The following HTR1D variants were observed in gnomAD, a reference collection of about 807,000 sequenced individuals.
HTR1D encodes 5-hydroxytryptamine receptor 1D, also known as 5-HT-1D.
HTR1D carries 18 observed loss-of-function variants against 21.1 expected under a neutral mutation model. The observed-to-expected ratio is 0.85, with a 90% CI of 0.59 to 1.27. The LOEUF is 1.27. Among genes scored for constraint, HTR1D ranks in the 50% most tolerant of loss-of-function variants. HTR1D has a pLI of 0.00. For synonymous variants in HTR1D, 196 were observed against 204.4 expected, an observed-to-expected ratio of 0.96 and a Z score of 0.35; for missense variants, 456 against 481.4, an observed-to-expected ratio of 0.95 and a Z score of 0.49.
chr1:23,196,560 C>T (rs991721481), intron 1 of HTR1D, among the ~76,000 whole-genome samples: 2 of 151,992 alleles, frequency 1.3e-5, no homozygotes, highest in Non-Finnish European at 2.9e-5. Context: ...GAGGGGAAAG[C>T]CTCAGTTTAA....
intron 1 of HTR1D, among the ~76,000 whole-genome samples, chr1:23,197,735 A>G (rs191735472): frequency 0.011 from 1,603 of 152,030 alleles, 12 homozygotes; most frequent in Non-Finnish European, 0.015. Context: ...AAAAAAAAAA[A>G]AAATTAAAAT....
At chr1:23,200,380 C>T (rs1022428362) in intron 1 of HTR1D, among the ~76,000 whole-genome samples, 6 of 152,202 alleles carry the variant, frequency 3.9e-5, no homozygotes, top group African/African-American at 1.4e-4. Flanking sequence ...TACTGCTTCG[C>T]TTTCTTGCTG....
intron 1 of HTR1D, among the ~76,000 whole-genome samples, chr1:23,198,569 G>A (rs1644698615): frequency 6.6e-6 from 1 of 152,174 alleles, no homozygotes; most frequent in Non-Finnish European, 1.5e-5. Context: ...AACAAGAATG[G>A]TCCTAGTAGC....
In HTR1D at chr1:23,202,738, A is replaced by G. The variant is rs547440532; in HGVS notation, c.-782-7737T>C. Among the ~76,000 whole-genome samples the G allele has an allele frequency of 3.9e-5, 6 of 152,314 alleles. No individual in the cohort carries two copies. In the South Asian group the frequency reaches 1.2e-3, roughly 32 times the overall value. On this transcript the variant is annotated intron_variant, in intron 1 of 1. Coordinates refer to ENST00000374619, the MANE Select transcript of HTR1D (RefSeq NM_000864.5). The stretch of plus-strand genomic sequence containing the variant: ...GAAATCACTCTGCACAAATCAGGAC[A>G]GGGCTTTATATTTTACAAAATGCAC...
At chr1:23,195,087 A>G (rs1048923616) in intron 1 of HTR1D, among the ~76,000 whole-genome samples, 86 bp from the exon 2 acceptor site, 3 of 152,204 alleles carry the variant, frequency 2.0e-5, no homozygotes, top group African/African-American at 7.2e-5. Flanking sequence ...TTAAAAAGAT[A>G]CTACTTAAAG....
intron 1 of HTR1D, among the ~76,000 whole-genome samples, chr1:23,212,156 T>C (rs1320355291): frequency 6.6e-6 from 1 of 152,172 alleles, no homozygotes; most frequent in Non-Finnish European, 1.5e-5. Context: ...CTATTCCCTC[T>C]ATCTGCTCAT....
intron 1 of HTR1D, among the ~76,000 whole-genome samples, chr1:23,212,810 G>A (rs1644758770): frequency 6.8e-6 from 1 of 146,266 alleles, no homozygotes. Context: ...CTCACAGCAA[G>A]CCCTCCTGAG....
Position 23,194,254 on chromosome 1 carries a change from C to A in HTR1D, c.-35G>T. 1 of 1,575,312 alleles carries A rather than the reference C, an allele frequency of 6.3e-7. No homozygotes were observed. The highest frequency in any genetic ancestry group is 8.6e-7 in the Non-Finnish European group (1 of 1,161,304). ...CTCTCTCTTCCCACAGACCTCCACA[C>A]ATTTGGCTCCTTCCTTCAAGGTTGT... On this transcript the variant is annotated 5_prime_UTR_variant, in exon 2 of 2. The change abolishes an upstream ATG in the 5' untranslated region. Transcript: ENST00000374619.
chr1:23,199,791 C>T (rs1232375529), intron 1 of HTR1D, among the ~76,000 whole-genome samples: 6 of 151,890 alleles, frequency 4.0e-5, no homozygotes, highest in Non-Finnish European at 2.9e-5. Flanking sequence ...CTGCAGCCTC[C>T]GCCTTCCGGG....
chr1:23,193,469 A>G lies in HTR1D; in HGVS notation c.751T>C (p.Ser251Pro), dbSNP rs1445701134. ...CTGGAGTTGAGCGAGCAGAGCGAGG[A>G]CCCGGCAGAGCCTGTGATGAGGTGG... ...TAHLITGSAG[S>P]SLCSLNSSLH... is the part of the protein sequence containing the mutation. The change falls in exon 2 of 2, where the codon TCC becomes CCC. Residue 251 changes from serine (S) to proline (P), a missense_variant. Transcript: ENST00000374619. 1.2e-6 allele frequency: 2 copies of G among 1,613,972 alleles called. No individual in the cohort carries two copies. Among genetic ancestry groups the G allele is most frequent in the Non-Finnish European group, 1.7e-6 (2 of 1,179,998 alleles).
intron 1 of HTR1D, among the ~76,000 whole-genome samples, chr1:23,212,885 G>A (rs865998161): frequency 1.7e-4 from 26 of 151,156 alleles, no homozygotes; most frequent in Admixed American, 4.6e-4. Flanking sequence ...GGAGCACAGC[G>A]GCTCAATCTC....
At position 23,217,410 on chromosome 1, in the gene HTR1D, G is replaced by T. The variant is rs943409042; in HGVS notation, c.-902C>A. On this transcript the variant is annotated 5_prime_UTR_variant, in exon 1 of 2. Coordinates refer to ENST00000374619, the MANE Select transcript of HTR1D (RefSeq NM_000864.5). This position sits in a 1 kb window ranked among gnomAD's most constrained non-coding sequence, Gnocchi z 4.6. The stretch of plus-strand genomic sequence containing the variant: ...GCGACCCCCGCCGAACTCGGGGGCC[G>T]CCCGCCCCGCCGCCCCGGGGCCCTT... Among the ~76,000 whole-genome samples, 23 of 151,918 alleles carry T rather than the reference G, an allele frequency of 1.5e-4. No homozygotes were observed. Among genetic ancestry groups the T allele is most frequent in the African/African-American group, 5.1e-4 (21 of 41,490 alleles).
rs1359852342 is a variant in HTR1D, at chr1:23,194,387, T to C, written c.-168A>G. 1 of 493,808 alleles carries C rather than the reference T, an allele frequency of 2.0e-6. No individual in the cohort carries two copies. The highest frequency in any genetic ancestry group is 3.7e-6 in the Non-Finnish European group (1 of 273,256). 30.6% of individuals were successfully genotyped at this position (493,808 alleles called of 1,614,324 possible). On this transcript the variant is annotated 5_prime_UTR_variant, in exon 2 of 2. Transcript: ENST00000374619. ...AGACCAGACTATTCTCTAAGTACAG[T>C]TGCAATAAAATAAAATTAAATAACA...
Position 23,194,319 on chromosome 1 carries a change from G to T in HTR1D, c.-100C>A. 1 of 1,082,646 alleles carries T rather than the reference G, an allele frequency of 9.2e-7. No homozygotes were observed. Among genetic ancestry groups the T allele is most frequent in the Non-Finnish European group, 1.4e-6 (1 of 735,210 alleles). 67.1% of individuals were successfully genotyped at this position (1,082,646 alleles called of 1,614,324 possible). A position where few individuals can be genotyped will look rare whatever the true frequency, so the allele number is the denominator to read the frequency against. ...AAAGTCATCCTTCTGCTTCACACTGGTGGGAGCCGTACACCAGAACAGACC... is the reference window on the plus strand; with the variant it reads ...AAAGTCATCCTTCTGCTTCACACTGTTGGGAGCCGTACACCAGAACAGACC... On this transcript the variant is annotated 5_prime_UTR_variant, in exon 2 of 2. Transcript: ENST00000374619.
intron 1 of HTR1D, among the ~76,000 whole-genome samples, chr1:23,208,892 A>G (rs1644742602): frequency 6.6e-6 from 1 of 152,188 alleles, no homozygotes; most frequent in Admixed American, 6.5e-5. Context: ...CAAAAAAAGA[A>G]TGTAAAAAAA....
chr1:23,208,042 C>A (rs1337853953), intron 1 of HTR1D, among the ~76,000 whole-genome samples: 1 of 152,016 alleles, frequency 6.6e-6, no homozygotes, highest in Non-Finnish European at 1.5e-5. Context: ...GGATTATAGG[C>A]GTGAGCCACT....
chr1:23,197,169 G>A (rs1026720552), intron 1 of HTR1D, among the ~76,000 whole-genome samples: 7 of 152,104 alleles, frequency 4.6e-5, no homozygotes, highest in African/African-American at 1.7e-4. Context: ...TCAAGGGGCT[G>A]GTGTGTGTGT....
At chr1:23,211,062 T>C (rs627304) in intron 1 of HTR1D, among the ~76,000 whole-genome samples, 74,886 of 152,032 alleles carry the variant, frequency 0.49, 19,188 homozygotes, top group African/African-American at 0.64. Context: ...GCTTTTTCTT[T>C]TGGGAGCCAC....
intron 1 of HTR1D, among the ~76,000 whole-genome samples, chr1:23,203,341 G>C (rs1187660365): frequency 6.6e-6 from 1 of 152,116 alleles, no homozygotes; most frequent in Non-Finnish European, 1.5e-5. Flanking sequence ...AATCAGTCTT[G>C]CACCTCAGTT....
Sources: gnomAD v4.1 joint callset for allele counts (sites outside exome capture counted in the v4.1 genomes callset) on GRCh38, gnomAD v4.1.1 for gene constraint, Gnocchi (gnomAD v3.1) non-coding constraint, MANE v1.5 for transcripts, NCBI Gene and HGNC (gene_info 2026-07-23, HGNC 2026-07-21) for gene names.